ZBTB20: variants seen among roughly 807,000 people sequenced by gnomAD.
The protein encoded by ZBTB20 is zinc finger and BTB domain containing 20.
ZBTB20 carries 9 observed loss-of-function variants against 56.9 expected under a neutral mutation model. That is an observed-to-expected ratio of 0.16 (90% CI 0.10 to 0.28). ZBTB20 has a LOEUF of 0.28. Among genes scored for constraint, ZBTB20 ranks in the 10% least tolerant of loss-of-function variants. The pLI is 1.00. For missense variants in ZBTB20, 655 were observed against 1,003.0 expected, an observed-to-expected ratio of 0.65 and a Z score of 4.69; for synonymous variants, 417 against 420.7, an observed-to-expected ratio of 0.99 and a Z score of 0.11.
chr3:114,805,719 T>C (rs1050704704), intron 4 of ZBTB20, among the ~76,000 whole-genome samples: 1 of 151,888 alleles, frequency 6.6e-6, no homozygotes, highest in Admixed American at 6.6e-5. Context: ...ATTTTTAGAA[T>C]ATTTTTGTCA....
chr3:114,361,935 T>C (rs2081933497), intron 10 of ZBTB20, among the ~76,000 whole-genome samples: 1 of 152,192 alleles, frequency 6.6e-6, no homozygotes, highest in Non-Finnish European at 1.5e-5. Context: ...GCAGTAGTGC[T>C]GGCAGTCAGA....
At chr3:115,003,425 G>GT (rs1321900398) in intron 2 of ZBTB20, among the ~76,000 whole-genome samples, 1 of 145,482 alleles carries the variant, frequency 6.9e-6, no homozygotes, top group Non-Finnish European at 1.5e-5. Flanking sequence ...TTTTTTGTTT[G>GT]TTTTTTGTTT....
At position 114,339,256 on chromosome 3, in the gene ZBTB20, C is replaced by T. The variant is rs759086513; in HGVS notation, c.1975G>A (p.Glu659Lys). ...CAGATGTAGCACTCGTAGGACTTCT[C>T]TCCCCGGTGGAGGCGCATGTGCACG... ...LNVHMRLHRG[E>K]KSYECYICKK... is the part of the protein sequence containing the mutation. The change falls in exon 12 of 12, where the codon GAG (glutamate) becomes AAG (lysine). Residue 659 changes from glutamate to lysine, a missense_variant. Coordinates refer to ENST00000675478, the MANE Select transcript of ZBTB20 (RefSeq NM_001348800.3). This position sits in a 1 kb window ranked among gnomAD's most constrained non-coding sequence, Gnocchi z 4.2. 1 of 1,614,210 alleles carries T rather than the reference C, an allele frequency of 6.2e-7. No homozygotes were observed.
chr3:115,069,351 G>T (rs1394165499), intron 2 of ZBTB20, among the ~76,000 whole-genome samples: 1 of 152,032 alleles, frequency 6.6e-6, no homozygotes, highest in Non-Finnish European at 1.5e-5. Flanking sequence ...GTGTGAAGCT[G>T]AGTGTTCGTT....
At chr3:114,831,702 T>C (rs1414792348) in intron 4 of ZBTB20, among the ~76,000 whole-genome samples, 4 of 151,990 alleles carry the variant, frequency 2.6e-5, no homozygotes, top group Non-Finnish European at 4.4e-5. Flanking sequence ...GAGATTGATT[T>C]TATTATCCAG....
chr3:114,606,611 T>C (rs1210380526), intron 6 of ZBTB20, among the ~76,000 whole-genome samples: 2 of 152,122 alleles, frequency 1.3e-5, no homozygotes, highest in African/African-American at 4.8e-5. Context: ...GTATTTATAC[T>C]GAAGACATGC....
intron 6 of ZBTB20, among the ~76,000 whole-genome samples, chr3:114,554,818 A>G (rs2110224844): frequency 6.6e-6 from 1 of 152,290 alleles, no homozygotes. Context: ...GAACAGCTAC[A>G]AAGAACCTTA....
At chr3:115,056,342 AC>A (rs2081780864) in intron 2 of ZBTB20, among the ~76,000 whole-genome samples, 2 of 152,112 alleles carry the variant, frequency 1.3e-5, no homozygotes, top group Non-Finnish European at 1.5e-5. Flanking sequence ...AACTAGCACA[AC>A]CCTGTGAGAG....
chr3:114,806,073 C>T (rs1282350387), intron 4 of ZBTB20, among the ~76,000 whole-genome samples: 1 of 151,856 alleles, frequency 6.6e-6, no homozygotes, highest in African/African-American at 2.4e-5. Flanking sequence ...ACATAAAATA[C>T]GTCTCTGTGT....
intron 6 of ZBTB20, among the ~76,000 whole-genome samples, chr3:114,669,806 G>T (rs1223000080): frequency 6.6e-6 from 1 of 151,962 alleles, no homozygotes; most frequent in Non-Finnish European, 1.5e-5. Context: ...AAAGCTAAGA[G>T]TTGCAGAACC....
chr3:114,936,558 T>G (rs2076541752), intron 3 of ZBTB20, among the ~76,000 whole-genome samples: 1 of 152,162 alleles, frequency 6.6e-6, no homozygotes, highest in African/African-American at 2.4e-5. Flanking sequence ...TTATAACTAT[T>G]AATTATAAGT....
intron 1 of ZBTB20, among the ~76,000 whole-genome samples, chr3:115,097,241 C>T (rs1349960575): frequency 1.3e-5 from 2 of 152,150 alleles, no homozygotes; most frequent in East Asian, 3.9e-4. Flanking sequence ...TGCAGTGGCA[C>T]GATCTCGGCT....
At chr3:114,644,052 A>T (rs2059703842) in intron 6 of ZBTB20, among the ~76,000 whole-genome samples, 1 of 152,098 alleles carries the variant, frequency 6.6e-6, no homozygotes, top group Admixed American at 6.6e-5. Flanking sequence ...AAAAACCTTA[A>T]TTATGCAAAT....
chr3:114,844,371 A>T (rs1234487955), intron 4 of ZBTB20, among the ~76,000 whole-genome samples: 1 of 118,838 alleles, frequency 8.4e-6, no homozygotes, highest in African/African-American at 3.2e-5. Flanking sequence ...ATATATATAT[A>T]TTAGCTGAGA....
chr3:114,541,217 A>G (rs951036185), intron 6 of ZBTB20, among the ~76,000 whole-genome samples: 4 of 152,196 alleles, frequency 2.6e-5, no homozygotes, highest in Non-Finnish European at 5.9e-5. Context: ...TTAACCCAGT[A>G]TCTATGATTA....
intron 6 of ZBTB20, among the ~76,000 whole-genome samples, chr3:114,635,657 T>A (rs1319596743): frequency 6.6e-6 from 1 of 151,734 alleles, no homozygotes; most frequent in Non-Finnish European, 1.5e-5. Context: ...AAAATTGAAC[T>A]GAAAGATTCA....
At chr3:115,112,456 C>G (rs2083906031) in intron 1 of ZBTB20, among the ~76,000 whole-genome samples, 1 of 152,066 alleles carries the variant, frequency 6.6e-6, no homozygotes. Flanking sequence ...TCATCCTCTC[C>G]CAACCCACTC....
chr3:114,986,996 A>T (rs975446956), intron 2 of ZBTB20, among the ~76,000 whole-genome samples: 1 of 152,130 alleles, frequency 6.6e-6, no homozygotes, highest in Admixed American at 6.6e-5. Flanking sequence ...TTCTAGCTAT[A>T]GTGTCAAAAT....
intron 10 of ZBTB20, among the ~76,000 whole-genome samples, chr3:114,361,480 G>A (rs2081875987): frequency 6.6e-6 from 1 of 152,146 alleles, no homozygotes; most frequent in Admixed American, 6.6e-5. Flanking sequence ...TTAATGAGAA[G>A]GTATCTCCCC....
Sources: gnomAD v4.1 joint callset for allele counts (sites outside exome capture counted in the v4.1 genomes callset) on GRCh38, gnomAD v4.1.1 for gene constraint, Gnocchi (gnomAD v3.1) non-coding constraint, MANE v1.5 for transcripts, NCBI Gene and HGNC (gene_info 2026-07-23, HGNC 2026-07-21) for gene names.